The following PDE1C variants were observed in gnomAD, a reference collection of about 807,000 sequenced individuals.
PDE1C encodes phosphodiesterase 1C.
A neutral mutation model predicts 93.1 loss-of-function variants in PDE1C; 62 were observed. The ratio of observed to expected loss-of-function variants is 0.67; its 90% CI spans 0.54 to 0.82. The LOEUF (loss-of-function observed/expected upper bound fraction) is 0.82. PDE1C is among the 40% of genes least tolerant of loss of function. PDE1C has a pLI of 0.00. For synonymous variants in PDE1C, 325 were observed against 310.1 expected (o/e 1.05, Z -0.50); for missense variants, 742 against 884.6 (o/e 0.84, Z 2.04).
chr7:31,624,845 A>G, the PDE1C span, among the ~76,000 whole-genome samples: 7 of 152,202 alleles, frequency 4.6e-5, no homozygotes, highest in East Asian at 1.2e-3. Context: ...AACCCACAAA[A>G]TGGGAAAAAA....
intron 16 of PDE1C, chr7:31,788,829 C>T (rs191628541): frequency 3.3e-5 from 5 of 152,180 alleles, no homozygotes; most frequent in East Asian, 1.9e-4. Flanking sequence ...GTTGTGCATT[C>T]GATACTACAA....
chr7:32,135,951 A>AG (rs1463526072), intron 3 of PDE1C, among the ~76,000 whole-genome samples: 4 of 152,214 alleles, frequency 2.6e-5, no homozygotes, highest in Non-Finnish European at 5.9e-5. Context: ...TGCCATTTGC[A>AG]AAGACATGAT....
chr7:32,068,972 C>G (rs771447599), intron 1 of PDE1C, among the ~76,000 whole-genome samples: 1 of 152,196 alleles, frequency 6.6e-6, no homozygotes, highest in Non-Finnish European at 1.5e-5. Flanking sequence ...AGAGCTGCTG[C>G]GTTGCAGGCA....
At chr7:31,961,179 A>T (rs550049098) in intron 2 of PDE1C, among the ~76,000 whole-genome samples, 1 of 152,164 alleles carries the variant, frequency 6.6e-6, no homozygotes, top group East Asian at 1.9e-4. Context: ...AAAAAGAAAA[A>T]TCTTCCAGTA....
intron 2 of PDE1C, among the ~76,000 whole-genome samples, chr7:32,194,073 C>A (rs762782211): frequency 6.6e-6 from 1 of 151,950 alleles, no homozygotes; most frequent in Admixed American, 6.6e-5. Context: ...CGCCACCACA[C>A]CCGGTAATTT....
chr7:31,961,741 G>C (rs922531186), intron 2 of PDE1C, among the ~76,000 whole-genome samples: 5 of 152,180 alleles, frequency 3.3e-5, no homozygotes, highest in Non-Finnish European at 7.4e-5. Context: ...ACTATACATT[G>C]TGTTACATGA....
rs571270836 is a variant in PDE1C at position 31,836,389 on chromosome 7, C to T, written c.1203+791G>A. Among the ~76,000 whole-genome samples the T allele has an allele frequency of 9.9e-5, 15 of 152,138 alleles. 1 individual carries two copies. Among genetic ancestry groups the T allele is most frequent in the Admixed American group, 7.9e-4 (12 of 15,278 alleles). On this transcript the variant is annotated intron_variant, in intron 11 of 17. Transcript: ENST00000396191. The stretch of plus-strand genomic sequence containing the variant: ...CTCGCGCTGTCGCCAGGCTGGAGTA[C>T]GGCAGTGCGATCTCGGCTAACTGCA...
At chr7:32,248,969 T>C (rs954029811) in intron 1 of PDE1C, among the ~76,000 whole-genome samples, 2 of 152,064 alleles carry the variant, frequency 1.3e-5, no homozygotes, top group Non-Finnish European at 2.9e-5. Flanking sequence ...TTCAGGTGTA[T>C]GAAGGGCTGT....
At chr7:32,210,282 C>T (rs1014333276) in intron 1 of PDE1C, among the ~76,000 whole-genome samples, 3 of 152,098 alleles carry the variant, frequency 2.0e-5, no homozygotes, top group African/African-American at 7.2e-5. Context: ...TGTTTCATGC[C>T]CATAAACATT....
chr7:31,948,003 A>G (rs905056070), intron 2 of PDE1C, among the ~76,000 whole-genome samples: 1 of 152,176 alleles, frequency 6.6e-6, no homozygotes, highest in African/African-American at 2.4e-5. Context: ...ATTACAACAA[A>G]TTTCGAAAGA....
At chr7:31,643,917 A>G in the PDE1C span, 1 of 1,613,686 alleles carries the variant, frequency 6.2e-7, no homozygotes, top group East Asian at 2.2e-5. Flanking sequence ...CGACTTTGAA[A>G]GCCCTTCAGG....
chr7:31,764,527 A>G (rs569877498), intron 17 of PDE1C, among the ~76,000 whole-genome samples: 9 of 152,172 alleles, frequency 5.9e-5, no homozygotes, highest in Non-Finnish European at 1.2e-4. Flanking sequence ...TAGATAACCA[A>G]CCAAGACGGA....
chr7:31,655,673 G>T, the PDE1C span: 1 of 933,066 alleles, frequency 1.1e-6, no homozygotes, highest in Non-Finnish European at 1.3e-6. Context: ...CCCCATCTTG[G>T]CTCCTATATC....
intron 1 of PDE1C, among the ~76,000 whole-genome samples, chr7:32,328,056 C>A (rs1398418639): frequency 6.6e-5 from 10 of 152,140 alleles, no homozygotes; most frequent in Admixed American, 6.5e-4. Context: ...TTCTTTTGAG[C>A]ATATATTCAG....
chr7:32,105,788 A>T (rs1321146759), intron 3 of PDE1C, among the ~76,000 whole-genome samples: 1 of 151,014 alleles, frequency 6.6e-6, no homozygotes, highest in Non-Finnish European at 1.5e-5. Context: ...GGTCTCCCAA[A>T]GTGCTGGGAT....
Position 31,769,181 on chromosome 7 carries a change from A to T in PDE1C, c.1960+6483T>A, listed in dbSNP as rs545806984. ...AATGTTTTAATGTGCCTTCACTCATAAGCAATAATTTAGCTATTTTAACTA... is the reference window on the plus strand; with the variant it reads ...AATGTTTTAATGTGCCTTCACTCATTAGCAATAATTTAGCTATTTTAACTA... On this transcript the variant is annotated intron_variant, in intron 17 of 17. Transcript: ENST00000396191. 2.4e-4 allele frequency among the ~76,000 whole-genome samples: 36 copies of T among 152,258 alleles called. No homozygotes were observed. The South Asian group carries it at 7.5e-3, about 32-fold the overall frequency.
At chr7:31,701,671 T>C in the PDE1C span, among the ~76,000 whole-genome samples, 1 of 152,194 alleles carries the variant, frequency 6.6e-6, no homozygotes, top group African/African-American at 2.4e-5. Context: ...TGCAGAAAAC[T>C]TCACTGTCAT....
chr7:32,000,153 A>G (rs778900500), intron 2 of PDE1C, among the ~76,000 whole-genome samples: 81 of 152,310 alleles, frequency 5.3e-4, no homozygotes, highest in Non-Finnish European at 7.8e-4. Flanking sequence ...ACTAGACTGT[A>G]CTAATGTAAA....
intron 2 of PDE1C, chr7:32,170,028 T>A (rs1435525867): frequency 2.3e-6 from 3 of 1,324,166 alleles, no homozygotes; most frequent in South Asian, 1.3e-5. Context: ...CTTCCCCAAC[T>A]CAGGATCTTC....
Sources: allele counts gnomAD v4.1 joint callset (sites outside exome capture counted in the v4.1 genomes callset), GRCh38; gene constraint gnomAD v4.1.1; transcripts MANE v1.5; gene names NCBI Gene and HGNC (gene_info 2026-07-23, HGNC 2026-07-21).